The following MSRA variants were observed in gnomAD, a reference collection of about 807,000 sequenced individuals.
MSRA encodes mitochondrial peptide methionine sulfoxide reductase.
Under a neutral mutation model 31.3 loss-of-function variants are expected in MSRA, and 54 were observed. The observed-to-expected ratio is 1.73, with a 90% CI of 1.39 to 2.17. The LOEUF is 2.17. Ranked by LOEUF, MSRA falls within the 30% of genes most tolerant of loss-of-function variation. MSRA has a pLI of 0.00. For missense variants in MSRA, 507 were observed against 300.9 expected (o/e 1.69, Z -5.07); for synonymous variants, 169 against 116.5 (o/e 1.45, Z -2.90).
intron 2 of MSRA, among the ~76,000 whole-genome samples, chr8:10,223,461 C>T (rs1028736786): frequency 1.3e-5 from 2 of 152,230 alleles, no homozygotes; most frequent in African/African-American, 4.8e-5. Context: ...TTTACCTCCA[C>T]AGACCACTGG....
intron 1 of MSRA, among the ~76,000 whole-genome samples, chr8:10,100,381 C>A (rs1159358690): frequency 6.6e-6 from 1 of 152,130 alleles, no homozygotes; most frequent in Admixed American, 6.5e-5. Context: ...CCTTGATCTG[C>A]TGCAGGAAGG....
intron 1 of MSRA, among the ~76,000 whole-genome samples, chr8:10,150,238 G>A (rs1803543523): frequency 6.6e-6 from 1 of 152,028 alleles, no homozygotes; most frequent in African/African-American, 2.4e-5. Context: ...GAAGGAAGTG[G>A]GTGAGAGAGA....
intron 5 of MSRA, among the ~76,000 whole-genome samples, chr8:10,357,413 A>G (rs1367430575): frequency 1.3e-5 from 2 of 152,216 alleles, no homozygotes; most frequent in East Asian, 1.9e-4. Context: ...AGACTGAACC[A>G]ATTAGGTCGT....
intron 1 of MSRA, among the ~76,000 whole-genome samples, chr8:10,122,278 C>G (rs1801179878): frequency 6.6e-6 from 1 of 151,988 alleles, no homozygotes; most frequent in African/African-American, 2.4e-5. Context: ...TGCAAGAAGC[C>G]AAAGAAAAAG....
chr8:10,251,831 C>T (rs1797930863), intron 3 of MSRA, among the ~76,000 whole-genome samples: 1 of 151,410 alleles, frequency 6.6e-6, no homozygotes, highest in Non-Finnish European at 1.5e-5. Context: ...GCTTCTCTAC[C>T]ATCGGCACCC....
At chr8:10,094,222 T>G (rs568305714) in intron 1 of MSRA, among the ~76,000 whole-genome samples, 1 of 152,360 alleles carries the variant, frequency 6.6e-6, no homozygotes, top group South Asian at 2.1e-4. Context: ...TTCAGTAATA[T>G]GTGGTTTTGT....
chr8:10,172,959 A>G (rs1419565312), intron 1 of MSRA, among the ~76,000 whole-genome samples: 1 of 152,228 alleles, frequency 6.6e-6, no homozygotes, highest in Non-Finnish European at 1.5e-5. Context: ...GGAAATAACC[A>G]TGACACAGAT....
chr8:10,116,170 G>C (rs1003082869), intron 1 of MSRA, among the ~76,000 whole-genome samples: 20 of 152,206 alleles, frequency 1.3e-4, no homozygotes, highest in Non-Finnish European at 2.8e-4. Context: ...ATTATGGCAA[G>C]CTTGTCCAAC....
intron 5 of MSRA, among the ~76,000 whole-genome samples, chr8:10,330,509 C>T (rs764524526): frequency 6.6e-6 from 1 of 152,124 alleles, no homozygotes; most frequent in African/African-American, 2.4e-5. Flanking sequence ...AAATTAATTA[C>T]CTTATCAAAT....
At chr8:10,149,532 C>T (rs1803476866) in intron 1 of MSRA, among the ~76,000 whole-genome samples, 1 of 152,148 alleles carries the variant, frequency 6.6e-6, no homozygotes, top group African/African-American at 2.4e-5. Flanking sequence ...CTTACATCGC[C>T]ACCTCGTGAT....
chr8:10,110,697 C>T (rs1418216251), intron 1 of MSRA, among the ~76,000 whole-genome samples: 1 of 152,230 alleles, frequency 6.6e-6, no homozygotes, highest in African/African-American at 2.4e-5. Flanking sequence ...ATCGCGCTTT[C>T]TCCCAGGCTG....
chr8:10,416,587 G>A (rs1186265501), intron 5 of MSRA, among the ~76,000 whole-genome samples: 1 of 152,236 alleles, frequency 6.6e-6, no homozygotes, highest in African/African-American at 2.4e-5. Flanking sequence ...GACCACCCAT[G>A]TGACTTTCAC....
chr8:10,415,890 C>G (rs921324974), intron 5 of MSRA, among the ~76,000 whole-genome samples: 8 of 152,064 alleles, frequency 5.3e-5, no homozygotes, highest in Admixed American at 6.5e-5. Flanking sequence ...CAGGATTAAC[C>G]TTTCCTTCCT....
intron 1 of MSRA, among the ~76,000 whole-genome samples, chr8:10,076,350 C>A (rs370151023): frequency 6.6e-6 from 1 of 152,142 alleles, no homozygotes; most frequent in Non-Finnish European, 1.5e-5. Context: ...GCAAGAGCTG[C>A]GGTGTATGGC....
intron 1 of MSRA, among the ~76,000 whole-genome samples, chr8:10,194,699 C>T (rs543137152): frequency 6.6e-6 from 1 of 152,270 alleles, no homozygotes; most frequent in East Asian, 1.9e-4. Flanking sequence ...AGTTTTTCTA[C>T]CATATGATAC....
intron 1 of MSRA, among the ~76,000 whole-genome samples, chr8:10,149,791 A>G (rs1207293601): frequency 4.1e-5 from 1 of 24,282 alleles, no homozygotes; most frequent in Non-Finnish European, 1.1e-4. Context: ...TGGTATGGAA[A>G]TGACTAATAT....
intron 3 of MSRA, among the ~76,000 whole-genome samples, chr8:10,297,255 G>GTTCA (rs1391857949): frequency 1.4e-4 from 21 of 152,068 alleles, no homozygotes; most frequent in Non-Finnish European, 2.5e-4. Context: ...CTCTCCATTT[G>GTTCA]TTCATCTTCC....
chr8:10,069,221 T>C (rs1341581133), intron 1 of MSRA, among the ~76,000 whole-genome samples: 5 of 152,220 alleles, frequency 3.3e-5, no homozygotes, highest in African/African-American at 1.2e-4. Context: ...CAGTTTTATT[T>C]CTTCCTTCCC....
chr8:10,220,502 G>C (rs1032724144), intron 2 of MSRA, among the ~76,000 whole-genome samples: 1 of 152,096 alleles, frequency 6.6e-6, no homozygotes, highest in African/African-American at 2.4e-5. Context: ...GCCTACTCAG[G>C]GTGAATCAGC....
Sources: allele counts gnomAD v4.1 joint callset (sites outside exome capture counted in the v4.1 genomes callset), GRCh38; gene constraint gnomAD v4.1.1; transcripts MANE v1.5; gene names NCBI Gene and HGNC (gene_info 2026-07-23, HGNC 2026-07-21).